The following CDH18 variants were observed in gnomAD, a reference collection of about 807,000 sequenced individuals.
CDH18 encodes the protein cadherin-18.
In CDH18, 31 loss-of-function variants were observed where a neutral mutation model predicts 67.9. The ratio of observed to expected loss-of-function variants is 0.46; its 90% CI spans 0.34 to 0.62. CDH18 has a LOEUF of 0.62. Ranked by LOEUF, CDH18 falls within the 20% of genes least tolerant of loss-of-function variation. The pLI is 0.01. For synonymous variants in CDH18, 362 were observed against 347.2 expected (o/e 1.04, Z -0.48); for missense variants, 890 against 975.5 (o/e 0.91, Z 1.17).
At chr5:20,296,338 C>T (rs1373348485) in intron 1 of CDH18, among the ~76,000 whole-genome samples, 1 of 151,620 alleles carries the variant, frequency 6.6e-6, no homozygotes, top group Non-Finnish European at 1.5e-5. Flanking sequence ...ACTGCAAGCT[C>T]CACCTCCGGG....
At chr5:20,544,363 A>G (rs1757222900) in intron 1 of CDH18, among the ~76,000 whole-genome samples, 1 of 152,326 alleles carries the variant, frequency 6.6e-6, no homozygotes, top group South Asian at 2.1e-4. Flanking sequence ...TATGTATAAT[A>G]TATAAAGAAT....
intron 2 of CDH18, among the ~76,000 whole-genome samples, chr5:19,925,359 A>G (rs1792965845): frequency 6.6e-6 from 1 of 152,156 alleles, no homozygotes; most frequent in South Asian, 2.1e-4. Context: ...GGTGTTATTC[A>G]AGGTTTATGG....
intron 1 of CDH18, among the ~76,000 whole-genome samples, chr5:20,509,250 G>A (rs545419833): frequency 9.5e-4 from 145 of 151,878 alleles, no homozygotes; most frequent in African/African-American, 3.1e-3. Context: ...ATCCCTAACC[G>A]CACCCTGCCC....
chr5:20,339,466 T>C (rs1010765297), intron 1 of CDH18, among the ~76,000 whole-genome samples: 4 of 151,986 alleles, frequency 2.6e-5, no homozygotes, highest in East Asian at 3.9e-4. Flanking sequence ...AGCAGTTGTA[T>C]TGTGAGAGGA....
chr5:19,706,920 A>G (rs1420522091), intron 5 of CDH18, among the ~76,000 whole-genome samples: 1 of 152,162 alleles, frequency 6.6e-6, no homozygotes, highest in Non-Finnish European at 1.5e-5. Flanking sequence ...GAGCCTGCCT[A>G]AAGGCCAGAT....
chr5:19,975,280 T>A (rs1415499617), intron 2 of CDH18, among the ~76,000 whole-genome samples: 1 of 152,134 alleles, frequency 6.6e-6, no homozygotes, highest in African/African-American at 2.4e-5. Context: ...TATATTTTTG[T>A]ACAATGAAAC....
At chr5:19,521,062 C>T (rs1311607137) in intron 9 of CDH18, among the ~76,000 whole-genome samples, 2 of 152,138 alleles carry the variant, frequency 1.3e-5, no homozygotes, top group Non-Finnish European at 2.9e-5. Flanking sequence ...TGTCAGAATT[C>T]ATTGTATGCT....
intron 7 of CDH18, among the ~76,000 whole-genome samples, chr5:19,578,323 G>T (rs993995714): frequency 1.3e-5 from 2 of 151,996 alleles, no homozygotes; most frequent in African/African-American, 4.8e-5. Flanking sequence ...TGAATTATTG[G>T]GTCTGATATA....
intron 2 of CDH18, among the ~76,000 whole-genome samples, chr5:20,201,947 A>AT (rs1739482675): frequency 6.6e-6 from 1 of 152,220 alleles, no homozygotes; most frequent in African/African-American, 2.4e-5. Context: ...CATGAGAAAA[A>AT]TTTGAAATTG....
chr5:20,471,673 A>T (rs1157196181), intron 1 of CDH18, among the ~76,000 whole-genome samples: 1 of 151,250 alleles, frequency 6.6e-6, no homozygotes, highest in East Asian at 2.0e-4. Context: ...ATGGTGGCAC[A>T]TTCCTGTAAT....
chr5:19,696,256 TGTGTGC>T (rs58591351), intron 5 of CDH18, among the ~76,000 whole-genome samples: 77,179 of 114,774 alleles, frequency 0.67, 22,272 homozygotes, highest in East Asian at 0.77. Context: ...TGTGTGTGTG[TGTGTGC>T]GTATTTTTTA....
rs58415003 is a variant in CDH18 at position 20,056,478 on chromosome 5, G to GT, written c.-517-64465dup. Among the ~76,000 whole-genome samples, 87 of 16,284 alleles carry GT rather than the reference G, an allele frequency of 5.3e-3. 27 individuals carry two copies. The highest frequency in any genetic ancestry group is 9.1e-3 in the African/African-American group (43 of 4,716). The allele number at this position is 16,284 out of a possible 152,430, so 10.7% of individuals were successfully genotyped here. ...TATTTTTCTTTATTTTCTTTCTTTTGTTTTTTTTTTTTTTTTTTTTTTTTT... is the reference window on the plus strand; with the variant it reads ...TATTTTTCTTTATTTTCTTTCTTTTGTTTTTTTTTTTTTTTTTTTTTTTTTT... On this transcript the variant is annotated intron_variant, in intron 2 of 14. Coordinates refer to the CDH18 transcript ENST00000507958.
At chr5:19,511,457 T>C (rs557844043) in intron 10 of CDH18, among the ~76,000 whole-genome samples, 1 of 152,176 alleles carries the variant, frequency 6.6e-6, no homozygotes, top group African/African-American at 2.4e-5. Context: ...CAGGAAGACG[T>C]GGGAAGGTTT....
At chr5:19,784,474 C>T (rs545509555) in intron 3 of CDH18, among the ~76,000 whole-genome samples, 1 of 152,278 alleles carries the variant, frequency 6.6e-6, no homozygotes, top group East Asian at 1.9e-4. Flanking sequence ...CATTCTATTA[C>T]ACAGGCATGC....
At chr5:19,661,555 G>C (rs1370439451) in intron 5 of CDH18, among the ~76,000 whole-genome samples, 1 of 151,894 alleles carries the variant, frequency 6.6e-6, no homozygotes, top group East Asian at 1.9e-4. Flanking sequence ...AATTAGTAAA[G>C]TAAGATTTCG....
At chr5:20,546,239 AAACTTTTCCTC>A (rs1322481320) in intron 1 of CDH18, among the ~76,000 whole-genome samples, 6 of 152,144 alleles carry the variant, frequency 3.9e-5, no homozygotes, top group Admixed American at 2.0e-4. Flanking sequence ...AGGAAGTTCC[AAACTTTTCCTC>A]AACTTCCTGT....
At chr5:19,908,275 C>A (rs949017616) in intron 2 of CDH18, among the ~76,000 whole-genome samples, 1 of 151,918 alleles carries the variant, frequency 6.6e-6, no homozygotes, top group African/African-American at 2.4e-5. Flanking sequence ...AGAATTTTGG[C>A]GTGTTATAGT....
rs144916654 is a variant in CDH18, at chr5:19,960,919, C to T, written c.-257+20141G>A. Among the ~76,000 whole-genome samples the T allele has an allele frequency of 6.9e-4, 104 of 150,688 alleles. 2 individuals are homozygous for T. Among genetic ancestry groups the T allele is most frequent in the Middle Eastern group, 3.4e-3 (1 of 290 alleles). ...ACCCAATAACATAGTCATTTATTATCATTATCAAGCATTATGTAGTGTACA... is the reference window on the plus strand; with the variant it reads ...ACCCAATAACATAGTCATTTATTATTATTATCAAGCATTATGTAGTGTACA... On this transcript the variant is annotated intron_variant, in intron 2 of 12. Coordinates refer to ENST00000382275, the MANE Select transcript of CDH18 (RefSeq NM_004934.5).
intron 5 of CDH18, among the ~76,000 whole-genome samples, chr5:19,719,851 A>AAGAGAGAAAGAAAGAAAAGAGAG (rs1041587574): frequency 6.6e-6 from 1 of 151,636 alleles, no homozygotes; most frequent in Non-Finnish European, 1.5e-5. Flanking sequence ...AGGTAAAAGA[A>AAGAGAGAAAGAAAGAAAAGAGAG]AGAGAGAAAG....
Sources: allele counts gnomAD v4.1 joint callset (sites outside exome capture counted in the v4.1 genomes callset), GRCh38; gene constraint gnomAD v4.1.1; transcripts MANE v1.5; gene names NCBI Gene and HGNC (gene_info 2026-07-23, HGNC 2026-07-21).